IRF8: variants seen among roughly 807,000 people sequenced by gnomAD.
IRF8 encodes interferon regulatory factor 8.
Under a neutral mutation model 48.7 loss-of-function variants are expected in IRF8, and 14 were observed. The observed-to-expected ratio is 0.29, with a 90% CI of 0.19 to 0.45. The LOEUF (loss-of-function observed/expected upper bound fraction) is 0.45, where lower values mean the gene tolerates loss of function less well. IRF8 is among the 20% of genes least tolerant of loss of function. The probability of loss-of-function intolerance (pLI) is 1.00; values close to 1 mark genes in which losing one functional copy is unlikely to be tolerated. For synonymous variants in IRF8, 278 were observed against 227.3 expected, an observed-to-expected ratio of 1.22 and a Z score of -2.01; for missense variants, 493 against 580.7, an observed-to-expected ratio of 0.85 and a Z score of 1.55.
At chr16:85,903,452 T>G (rs1904892897) in intron 2 of IRF8, 3 of 470,530 alleles carry the variant, frequency 6.4e-6, no homozygotes, top group Non-Finnish European at 1.2e-5. Flanking sequence ...TTTCTGCTGC[T>G]TCCTTTTCCT....
chr16:85,919,961 G>C, intron 7 of IRF8, 148 bp from the exon 8 acceptor site: 1 of 698,814 alleles, frequency 1.4e-6, no homozygotes, highest in Non-Finnish European at 2.6e-6. Flanking sequence ...CTTGGAATTT[G>C]GCCCAAGGGC....
chr16:85,920,976 C>A, intron 8 of IRF8, 130 bp from the exon 9 acceptor site: 2 of 905,928 alleles, frequency 2.2e-6, no homozygotes, highest in South Asian at 1.4e-5. Context: ...CCTTCCTTGG[C>A]ATTCTGGCTC....
At chr16:85,920,307 C>T (rs1216520994) in intron 8 of IRF8, 83 bp downstream of exon 8, 10 of 924,404 alleles carry the variant, frequency 1.1e-5, no homozygotes, top group Admixed American at 1.0e-4. Flanking sequence ...TGTGCAATGG[C>T]GTGACCTTGG....
intron 8 of IRF8, among the ~76,000 whole-genome samples, chr16:85,920,507 G>A (rs1182655551): frequency 6.6e-6 from 1 of 152,096 alleles, no homozygotes; most frequent in Admixed American, 6.5e-5. Flanking sequence ...CAAAGTACTG[G>A]GATTACAGGC....
intron 1 of IRF8, among the ~76,000 whole-genome samples, chr16:85,902,494 G>T (rs1293498286): frequency 6.6e-6 from 1 of 152,224 alleles, no homozygotes; most frequent in East Asian, 1.9e-4. Context: ...TGAAGGAACA[G>T]CTATTTAGAT....
At position 85,903,660 on chromosome 16, in the gene IRF8, G is replaced by A. The variant is rs566650079; in HGVS notation, c.174+471G>A. 3.4e-5 allele frequency: 7 copies of A among 207,786 alleles called. No individual in the cohort carries two copies. In the East Asian group the frequency reaches 3.7e-4, roughly 11 times the overall value. The allele number at this position is 207,786 out of a possible 1,614,324, so 12.9% of individuals were successfully genotyped here. ...CATTCCTTTGGGGGCTGGGCCGTGT[G>A]GGGGGTTGTGAACCTGCAGCAGATG... is the stretch of plus-strand genomic sequence containing the variant. On this transcript the variant is annotated intron_variant, in intron 2 of 8. Transcript: ENST00000268638.
chr16:85,918,825 C>A (rs376064481), intron 7 of IRF8, 22 bp downstream of exon 7: 3 of 1,603,652 alleles, frequency 1.9e-6, no homozygotes, highest in Non-Finnish European at 2.5e-6. Flanking sequence ...CGTCACCTTG[C>A]TGCCCCCACA....
Position 85,918,438 on chromosome 16 carries a change from G to A in IRF8, c.623G>A (p.Ser208Asn). 6.3e-7 allele frequency: 1 copy of A among 1,594,666 alleles called. No homozygotes were observed. ...ACAGCATTCTCCCAGATGGTGATCAGCTTCTACTATGGGGGCAAGCTGGTG... is the reference window on the plus strand; with the variant it reads ...ACAGCATTCTCCCAGATGGTGATCAACTTCTACTATGGGGGCAAGCTGGTG... ...HHSAFSQMVISFYYGGKLVGQ... is the reference protein window; with the variant it reads ...HHSAFSQMVINFYYGGKLVGQ... The change falls in exon 7 of 9, where the codon AGC becomes AAC. Residue 208 changes from serine (S) to asparagine (N), a missense_variant. By Grantham distance (46) the Ser-to-Asn change is conservative. Transcript: ENST00000268638.
rs1212356919 is a variant in IRF8 at position 85,913,169 on chromosome 16, C to A, written c.486C>A (p.Ser162Arg). 1 of 1,614,124 alleles carries A rather than the reference C, an allele frequency of 6.2e-7. No homozygotes were observed. Among genetic ancestry groups the A allele is most frequent in the Non-Finnish European group, 8.5e-7 (1 of 1,179,978 alleles). Residue 162 changes from serine (S) to arginine (R), a missense_variant, in exon 5 of 9, where the codon AGC becomes AGA. Ser to Arg is a moderately radical substitution (Grantham distance 110). Transcript: ENST00000268638. Reference protein sequence around the residue: ...VDDYMGMIKRSPSPPEACRSQ... With the variant: ...VDDYMGMIKRRPSPPEACRSQ... ...ATTACATGGGGATGATCAAAAGGAG[C>A]CCTTCCCCGCCGGAGGCCTGTCGGA...
chr16:85,900,872 T>G (rs1904805151), intron 1 of IRF8: 1 of 152,178 alleles, frequency 6.6e-6, no homozygotes, highest in South Asian at 2.1e-4. Flanking sequence ...TAAGAAAGTG[T>G]TGACCCTCTT....
chr16:85,907,204 C>A (rs1905031278), intron 2 of IRF8, among the ~76,000 whole-genome samples: 2 of 152,218 alleles, frequency 1.3e-5, no homozygotes, highest in Non-Finnish European at 2.9e-5. Flanking sequence ...GGTAGAGGTG[C>A]AACATTTTGC....
At chr16:85,915,076 C>T (rs566930513) in intron 6 of IRF8, among the ~76,000 whole-genome samples, 3 of 152,340 alleles carry the variant, frequency 2.0e-5, no homozygotes, top group South Asian at 2.1e-4. Context: ...CCCTGCCCAC[C>T]ACCTCTAGGT....
chr16:85,909,650 G>C (rs955283837), intron 3 of IRF8: 1 of 184,858 alleles, frequency 5.4e-6, no homozygotes, highest in African/African-American at 2.4e-5. Context: ...TGTTATTTGG[G>C]AACTCCGGGA....
At chr16:85,904,086 T>C (rs1904914642) in intron 2 of IRF8, among the ~76,000 whole-genome samples, 1 of 152,228 alleles carries the variant, frequency 6.6e-6, no homozygotes, top group Non-Finnish European at 1.5e-5. Flanking sequence ...TGGGCATCTC[T>C]AAGGCTCCAG....
In IRF8 at chr16:85,914,492, G is replaced by C; in HGVS notation, c.573G>C (p.Gly191=). The change falls in exon 6 of 9, where the codon GGG becomes GGC. Residue 191 remains glycine, a synonymous_variant. Transcript: ENST00000268638. ...QPSTGVPLVT[G]YTTYDAHHSA... is the part of the protein sequence containing the mutation. ...CTGCAGGCGTGCCGCTGGTGACGGG[G>C]TACACCACCTACGACGCGCACCATT... 1 of 1,614,094 alleles carries C rather than the reference G, an allele frequency of 6.2e-7. No individual in the cohort carries two copies. Among genetic ancestry groups the C allele is most frequent in the African/African-American group, 1.3e-5 (1 of 75,056 alleles).
rs765300268 is a variant in IRF8, at chr16:85,911,564, C to T, written c.359-6C>T. On this transcript the variant is annotated splice_region_variant and splice_polypyrimidine_tract_variant and intron_variant, in intron 3 of 8. Coordinates refer to ENST00000268638, the MANE Select transcript of IRF8 (RefSeq NM_002163.4). Reference sequence around the variant, plus strand: ...TGTGTCATGGTGTTTGTCTGGTTTTCTGTAGGCAAACTAGGCGTGGCAACT... The same window carrying T: ...TGTGTCATGGTGTTTGTCTGGTTTTTTGTAGGCAAACTAGGCGTGGCAACT... 19 of 1,613,572 alleles carry T rather than the reference C, an allele frequency of 1.2e-5. No homozygotes were observed. Among genetic ancestry groups the T allele is most frequent in the Non-Finnish European group, 1.4e-5 (16 of 1,179,632 alleles).
intron 4 of IRF8, among the ~76,000 whole-genome samples, chr16:85,912,650 C>T (rs1905179905): frequency 6.6e-6 from 1 of 152,174 alleles, no homozygotes; most frequent in South Asian, 2.1e-4. Context: ...ACCGGGGTCA[C>T]AAGAAAAGCA....
chr16:85,906,518 G>C (rs554351531), intron 2 of IRF8, among the ~76,000 whole-genome samples: 16 of 152,364 alleles, frequency 1.1e-4, no homozygotes, highest in African/African-American at 3.8e-4. Flanking sequence ...GTACCCGATG[G>C]TGGCCCTGGA....
rs10604224 is a variant in IRF8, at chr16:85,920,239, C to CTTTTT, written c.1104+36_1104+40dup. On this transcript the variant is annotated intron_variant, in intron 8 of 8. Coordinates refer to ENST00000268638, the MANE Select transcript of IRF8 (RefSeq NM_002163.4). ...TTCTCGTGCAGGTAAGTATGGGCAGCTTTTTTTTTTTTTTTTTTTTTTTTT... is the reference window on the plus strand; with the variant it reads ...TTCTCGTGCAGGTAAGTATGGGCAGCTTTTTTTTTTTTTTTTTTTTTTTTTTTTTT... The CTTTTT allele has an allele frequency of 2.6e-4, 125 of 488,340 alleles. No individual in the cohort carries two copies. The highest frequency in any genetic ancestry group is 6.2e-4 in the Middle Eastern group (1 of 1,626). The allele number at this position is 488,340 out of a possible 1,614,324, so 30.3% of individuals were successfully genotyped here.
Sources: gnomAD v4.1 joint callset for allele counts (sites outside exome capture counted in the v4.1 genomes callset) on GRCh38, gnomAD v4.1.1 for gene constraint, MANE v1.5 for transcripts, NCBI Gene and HGNC (gene_info 2026-07-23, HGNC 2026-07-21) for gene names.